The following POF1B variants were observed in gnomAD, a reference collection of about 807,000 sequenced individuals.
The protein encoded by POF1B is POF1B actin binding protein.
POF1B carries 53 observed loss-of-function variants against 55.3 expected under a neutral mutation model. The ratio of observed to expected loss-of-function variants is 0.96; its 90% CI spans 0.77 to 1.20. The LOEUF (loss-of-function observed/expected upper bound fraction) is 1.20, where lower values mean the gene tolerates loss of function less well. Ranked by LOEUF, POF1B falls within the 50% of genes most tolerant of loss-of-function variation. The probability of loss-of-function intolerance (pLI) is 0.00; values close to 1 mark genes in which losing one functional copy is unlikely to be tolerated. For synonymous variants in POF1B, 188 were observed against 148.3 expected (o/e 1.27, Z -1.95); for missense variants, 478 against 420.5 (o/e 1.14, Z -1.20).
At chrX:85,299,377 C>A (rs1325797243) in intron 15 of POF1B, among the ~76,000 whole-genome samples, 1 of 105,134 alleles carries the variant, frequency 9.5e-6, no homozygotes, top group African/African-American at 3.5e-5. Context: ...CAAGCTCCGC[C>A]TCCCGGGTTC....
rs1933263867 is a variant in POF1B, at chrX:85,346,052, A to G, written c.541-10T>C. ...CCTGAGGATGGCACCCCTAAGACAC[A>G]TACACATGCCAAAAACAGCCACTTA... On this transcript the variant is annotated splice_polypyrimidine_tract_variant and intron_variant, in intron 5 of 16. Coordinates refer to ENST00000262753, the MANE Select transcript of POF1B (RefSeq NM_024921.4). 1 of 1,087,112 alleles carries G rather than the reference A, an allele frequency of 9.2e-7. No individual in the cohort carries two copies. Among genetic ancestry groups the G allele is most frequent in the African/African-American group, 1.9e-5 (1 of 53,977 alleles). The allele number at this position is 1,087,112 out of a possible 1,213,427, so 89.6% of individuals were successfully genotyped here. A position where few individuals can be genotyped will look rare whatever the true frequency, so the allele number is the denominator to read the frequency against.
intron 15 of POF1B, among the ~76,000 whole-genome samples, chrX:85,296,963 T>C (rs1932322504): frequency 8.9e-6 from 1 of 112,118 alleles, no homozygotes; most frequent in Non-Finnish European, 1.9e-5. Flanking sequence ...CTAAGTTGAT[T>C]ATAAGATTCT....
intron 6 of POF1B, among the ~76,000 whole-genome samples, chrX:85,335,112 G>A (rs1383172463): frequency 1.8e-5 from 2 of 111,017 alleles, no homozygotes; most frequent in African/African-American, 6.5e-5. Flanking sequence ...ATGTGTGCAT[G>A]TTTCACCTAT....
At chrX:85,348,246 T>C (rs752485374) in intron 5 of POF1B, among the ~76,000 whole-genome samples, 2 of 111,052 alleles carry the variant, frequency 1.8e-5, no homozygotes, top group African/African-American at 3.3e-5. Flanking sequence ...ATTCTTACAC[T>C]AAAGTTCTTT....
Position 85,304,287 on chromosome X carries a change from G to C in POF1B, c.1566+56C>G, listed in dbSNP as rs363786. 7 of 1,028,375 alleles carry C rather than the reference G, an allele frequency of 6.8e-6. No individual in the cohort carries two copies. The South Asian group carries it at 2.3e-4, about 34-fold the overall frequency. The allele number at this position is 1,028,375 out of a possible 1,213,427, so 84.7% of individuals were successfully genotyped here. On this transcript the variant is annotated intron_variant, in intron 14 of 16. Transcript: ENST00000262753. ...GTCCATGGGAAGTATTTATCCTACA[G>C]TACTACAGTACTAAGTTGTATTACT...
chrX:85,299,572 G>T (rs2147899856), intron 15 of POF1B, among the ~76,000 whole-genome samples: 1 of 102,734 alleles, frequency 9.7e-6, no homozygotes, highest in Non-Finnish European at 2.0e-5. Context: ...ACAGGCGTGA[G>T]CCACCGCGCC....
At chrX:85,321,502 A>T (rs1404125624) in intron 7 of POF1B, among the ~76,000 whole-genome samples, 14 of 109,388 alleles carry the variant, frequency 1.3e-4, no homozygotes, top group African/African-American at 4.4e-4. Context: ...AATGGGCAAA[A>T]ACTGGAAGCA....
At chrX:85,286,284 C>T (rs755171279) in intron 15 of POF1B, among the ~76,000 whole-genome samples, 1 of 108,839 alleles carries the variant, frequency 9.2e-6, no homozygotes, top group South Asian at 3.9e-4. Context: ...ATATTATGAA[C>T]CCTACAGCAA....
intron 15 of POF1B, among the ~76,000 whole-genome samples, chrX:85,293,910 G>A (rs745522840): frequency 1.8e-5 from 2 of 109,616 alleles, no homozygotes; most frequent in South Asian, 8.0e-4. Context: ...GGAATCAGTG[G>A]TTGCAGTGAG....
Position 85,358,502 on chromosome X carries a change from GGAT to G in POF1B, c.438+1045_438+1047del, listed in dbSNP as rs770699911. On this transcript the variant is annotated intron_variant, in intron 4 of 16. Coordinates refer to ENST00000262753, the MANE Select transcript of POF1B (RefSeq NM_024921.4). ...TTAATGAAATTGATTAGTACTAATT[GGAT>G]TATGTCCACTAATGGAACAAAGGTA... Among the ~76,000 whole-genome samples the G allele has an allele frequency of 3.6e-5, 4 of 111,110 alleles. No individual in the cohort carries two copies. In the East Asian group the frequency reaches 1.1e-3, roughly 32 times the overall value.
intron 7 of POF1B, among the ~76,000 whole-genome samples, chrX:85,321,645 G>C (rs2147917376): frequency 9.5e-6 from 1 of 105,180 alleles, no homozygotes; most frequent in East Asian, 3.0e-4. Context: ...AAAAGAGGAA[G>C]TCAAATTGTC....
At chrX:85,360,826 C>A (rs1933603573) in intron 3 of POF1B, among the ~76,000 whole-genome samples, 1 of 109,497 alleles carries the variant, frequency 9.1e-6, no homozygotes, top group Non-Finnish European at 1.9e-5. Flanking sequence ...AATTTACACT[C>A]CCACCAACAA....
intron 4 of POF1B, among the ~76,000 whole-genome samples, chrX:85,354,459 CA>C: frequency 9.1e-6 from 1 of 110,241 alleles, no homozygotes; most frequent in East Asian, 2.9e-4. Flanking sequence ...ACAAATTTAG[CA>C]AAAGCATGAA....
intron 5 of POF1B, 120 bp downstream of exon 5, chrX:85,351,230 A>G: frequency 2.3e-6 from 1 of 430,441 alleles, no homozygotes; most frequent in Non-Finnish European, 4.0e-6. Flanking sequence ...ATATCATAGC[A>G]TATTATAACT....
In POF1B at chrX:85,277,516, A is replaced by T. The variant is rs1427891118; in HGVS notation, c.*1905T>A. The T allele has an allele frequency of 9.0e-6, 1 of 110,682 alleles. No homozygotes were observed. The highest frequency in any genetic ancestry group is 3.3e-5 in the African/African-American group (1 of 30,578). 9.1% of individuals were successfully genotyped at this position (110,682 alleles called of 1,213,427 possible). ...GTTGTGCTATCAAATACTAGGTCTT[A>T]TTTATACTTTCTAACTACATAGTTT... is the stretch of plus-strand genomic sequence containing the variant. On this transcript the variant is annotated 3_prime_UTR_variant, in exon 17 of 17. Coordinates refer to ENST00000262753, the MANE Select transcript of POF1B (RefSeq NM_024921.4).
chrX:85,367,883 G>T, intron 2 of POF1B, 117 bp from the exon 3 acceptor site: 1 of 454,118 alleles, frequency 2.2e-6, no homozygotes, highest in Admixed American at 4.8e-5. Flanking sequence ...ATTATTTAGT[G>T]CTTTCTTAGA....
At chrX:85,354,415 C>A (rs753112219) in intron 4 of POF1B, among the ~76,000 whole-genome samples, 1 of 110,410 alleles carries the variant, frequency 9.1e-6, no homozygotes, top group Non-Finnish European at 1.9e-5. Context: ...GAACCTTCAT[C>A]TTAGGAATGT....
chrX:85,342,731 C>T, intron 6 of POF1B, among the ~76,000 whole-genome samples: 1 of 111,220 alleles, frequency 9.0e-6, no homozygotes, highest in Non-Finnish European at 1.9e-5. Flanking sequence ...AAAATGGGTC[C>T]TACTTTAGTT....
intron 7 of POF1B, among the ~76,000 whole-genome samples, chrX:85,320,761 T>G (rs1932829383): frequency 9.0e-6 from 1 of 111,172 alleles, no homozygotes; most frequent in Non-Finnish European, 1.9e-5. Context: ...AAAGGGGATA[T>G]TGCCACCAAT....
Sources: gnomAD v4.1 joint callset for allele counts (sites outside exome capture counted in the v4.1 genomes callset) on GRCh38, gnomAD v4.1.1 for gene constraint, MANE v1.5 for transcripts, NCBI Gene and HGNC (gene_info 2026-07-23, HGNC 2026-07-21) for gene names.